The following PCCA variants were observed in gnomAD, a reference collection of about 807,000 sequenced individuals.
The protein encoded by PCCA is propionyl-CoA carboxylase alpha chain, mitochondrial.
PCCA carries 74 observed loss-of-function variants against 101.3 expected under a neutral mutation model. That is an observed-to-expected ratio of 0.73 (90% confidence interval 0.61 to 0.89). The LOEUF (loss-of-function observed/expected upper bound fraction) is 0.89, where lower values mean the gene tolerates loss of function less well. PCCA is among the 40% of genes least tolerant of loss of function. PCCA has a pLI of 0.00. For missense variants in PCCA, 891 were observed against 907.0 expected, an observed-to-expected ratio of 0.98 and a Z score of 0.23; for synonymous variants, 294 against 313.6, an observed-to-expected ratio of 0.94 and a Z score of 0.66.
At chr13:100,143,390 C>G (rs1036940899) in intron 4 of PCCA, among the ~76,000 whole-genome samples, 18 of 151,652 alleles carry the variant, frequency 1.2e-4, no homozygotes, top group African/African-American at 4.1e-4. Context: ...AAAAAATTAG[C>G]TAGCTGTGGT....
At chr13:100,477,477 G>T (rs1332763540) in intron 21 of PCCA, 2 of 152,176 alleles carry the variant, frequency 1.3e-5, no homozygotes, top group African/African-American at 4.8e-5. Flanking sequence ...GCATGTTAAT[G>T]ATTTGATATT....
At chr13:100,221,522 G>T (rs1046319924) in intron 7 of PCCA, among the ~76,000 whole-genome samples, 9 of 152,240 alleles carry the variant, frequency 5.9e-5, no homozygotes, top group African/African-American at 1.9e-4. Context: ...TGGAAAATAT[G>T]GAAAGGTAGA....
intron 10 of PCCA, 33 bp downstream of exon 10, chr13:100,262,864 T>C (rs762918534): frequency 2.3e-6 from 2 of 852,968 alleles, no homozygotes; most frequent in East Asian, 2.4e-5. Context: ...TTCATTATTA[T>C]TTTAAAATAA....
intron 8 of PCCA, among the ~76,000 whole-genome samples, chr13:100,246,559 C>T (rs951329251): frequency 6.6e-6 from 1 of 151,994 alleles, no homozygotes; most frequent in African/African-American, 2.4e-5. Flanking sequence ...AATTCCTGGG[C>T]TCTACTGATC....
intron 19 of PCCA, among the ~76,000 whole-genome samples, chr13:100,393,417 CTT>C (rs11459500): frequency 7.9e-5 from 9 of 113,650 alleles, no homozygotes; most frequent in African/African-American, 1.0e-4. Context: ...ACTGAAGAGT[CTT>C]TTTTTTTTTT....
chr13:100,152,091 T>C (rs1348621314), intron 4 of PCCA, among the ~76,000 whole-genome samples: 1 of 152,222 alleles, frequency 6.6e-6, no homozygotes, highest in East Asian at 1.9e-4. Context: ...AGGTTGACTC[T>C]TAAGTGTCTC....
rs149732823 is a variant in PCCA at position 100,375,813 on chromosome 13, C to T, written c.1746+7239C>T. 5.5e-4 allele frequency among the ~76,000 whole-genome samples: 83 copies of T among 152,210 alleles called. 1 individual carries two copies. Among genetic ancestry groups the T allele is most frequent in the Admixed American group, 1.9e-3 (29 of 15,278 alleles). On this transcript the variant is annotated intron_variant, in intron 19 of 23. Coordinates refer to ENST00000376285, the MANE Select transcript of PCCA (RefSeq NM_000282.4). ...TAACAATATTAACCTTAAATGTAAA[C>T]GGGCTAAATGCCCCAATTAAAAGAC...
intron 6 of PCCA, among the ~76,000 whole-genome samples, chr13:100,184,363 G>A (rs1045974563): frequency 1.3e-5 from 2 of 152,120 alleles, no homozygotes; most frequent in Admixed American, 6.5e-5. Context: ...TAAGAGATGG[G>A]TTATTTAGCT....
intron 4 of PCCA, among the ~76,000 whole-genome samples, chr13:100,133,450 A>G (rs1594277625): frequency 6.6e-6 from 1 of 152,134 alleles, no homozygotes; most frequent in African/African-American, 2.4e-5. Flanking sequence ...TTTTACTGTC[A>G]TGTCTAAGAA....
chr13:100,508,508 A>G (rs1425666610), intron 21 of PCCA, among the ~76,000 whole-genome samples: 84 of 152,356 alleles, frequency 5.5e-4, no homozygotes, highest in Non-Finnish European at 1.2e-4. Context: ...GTGACGCATT[A>G]TGTCGCTGCA....
At chr13:100,215,165 G>A (rs777767393) in intron 7 of PCCA, among the ~76,000 whole-genome samples, 4 of 152,116 alleles carry the variant, frequency 2.6e-5, no homozygotes, top group Non-Finnish European at 5.9e-5. Flanking sequence ...CCTCACATAG[G>A]CATTCCTTAA....
chr13:100,304,378 T>G (rs1465982733), intron 14 of PCCA, among the ~76,000 whole-genome samples: 1 of 152,266 alleles, frequency 6.6e-6, no homozygotes, highest in African/African-American at 2.4e-5. Context: ...TTGTCTATCA[T>G]TATTGCTGGG....
intron 4 of PCCA, among the ~76,000 whole-genome samples, chr13:100,115,502 T>C (rs1330627672): frequency 2.0e-5 from 3 of 152,286 alleles, no homozygotes; most frequent in East Asian, 3.9e-4. Context: ...TTATTATACA[T>C]TGTATGCTTG....
At chr13:100,286,039 A>G (rs949986686) in intron 12 of PCCA, among the ~76,000 whole-genome samples, 2 of 152,132 alleles carry the variant, frequency 1.3e-5, no homozygotes, top group African/African-American at 4.8e-5. Flanking sequence ...TAATTTTAAT[A>G]GTCTGAGCTT....
intron 19 of PCCA, among the ~76,000 whole-genome samples, chr13:100,376,158 A>AT (rs1234170744): frequency 1.3e-5 from 2 of 152,098 alleles, no homozygotes; most frequent in African/African-American, 2.4e-5. Flanking sequence ...ATCCTGTTTG[A>AT]CTGGGTATCA....
intron 20 of PCCA, among the ~76,000 whole-genome samples, chr13:100,432,301 A>T (rs1206971893): frequency 1.3e-5 from 2 of 152,168 alleles, no homozygotes; most frequent in Non-Finnish European, 2.9e-5. Flanking sequence ...TGTGATTCTC[A>T]ATTAATTGTA....
intron 21 of PCCA, among the ~76,000 whole-genome samples, chr13:100,457,227 C>G (rs113087668): frequency 3.3e-5 from 5 of 152,158 alleles, no homozygotes; most frequent in African/African-American, 9.6e-5. Context: ...TATGACTATT[C>G]TTATTCTAAC....
intron 18 of PCCA, among the ~76,000 whole-genome samples, chr13:100,346,183 G>T (rs1595483109): frequency 6.6e-6 from 1 of 152,150 alleles, no homozygotes; most frequent in Non-Finnish European, 1.5e-5. Flanking sequence ...CAAGGCGATA[G>T]CTGCCATAAA....
intron 7 of PCCA, among the ~76,000 whole-genome samples, chr13:100,227,795 C>A (rs1269115436): frequency 6.6e-6 from 1 of 152,128 alleles, no homozygotes; most frequent in Non-Finnish European, 1.5e-5. Flanking sequence ...TCATTGGACT[C>A]TTTTTTCCCT....
Sources: gnomAD v4.1 joint callset for allele counts (sites outside exome capture counted in the v4.1 genomes callset) on GRCh38, gnomAD v4.1.1 for gene constraint, MANE v1.5 for transcripts, NCBI Gene and HGNC (gene_info 2026-07-23, HGNC 2026-07-21) for gene names.